Variants in RBBP5 observed in about 807,000 individuals in gnomAD.
RBBP5 encodes retinoblastoma-binding protein 5.
RBBP5 carries 5 observed loss-of-function variants against 72.2 expected under a neutral mutation model. That is an observed-to-expected ratio of 0.07 (90% CI 0.04 to 0.15). RBBP5 has a LOEUF of 0.15. RBBP5 is among the 10% of genes least tolerant of loss of function. The pLI, the probability that RBBP5 is intolerant of heterozygous loss-of-function variation, is 1.00. For missense variants in RBBP5, 322 were observed against 652.2 expected, an observed-to-expected ratio of 0.49 and a Z score of 5.51; for synonymous variants, 209 against 237.2, an observed-to-expected ratio of 0.88 and a Z score of 1.09.
chr1:205,114,645 G>A (rs1574717493), intron 3 of RBBP5, 144 bp downstream of exon 3: 1 of 782,836 alleles, frequency 1.3e-6, no homozygotes, highest in East Asian at 3.1e-5. Flanking sequence ...ATGGACTCAG[G>A]ATCTACATAA....
Position 205,094,981 on chromosome 1 carries a change from C to T in RBBP5, c.1480G>A (p.Glu494Lys). 6.2e-7 allele frequency: 1 copy of T among 1,614,102 alleles called. No homozygotes were observed. The highest frequency in any genetic ancestry group is 8.5e-7 in the Non-Finnish European group (1 of 1,180,014). The change falls in exon 13 of 14, where the codon GAG (glutamate) becomes AAG (lysine). Residue 494 changes from glutamate to lysine, a missense_variant. Physicochemically the swap from Glu to Lys is moderately conservative, Grantham distance 56. Coordinates refer to ENST00000264515, the MANE Select transcript of RBBP5 (RefSeq NM_005057.4). Reference protein sequence around the residue: ...AGRPKGSKGKEKDSPFKPKLY... With the variant: ...AGRPKGSKGKKKDSPFKPKLY... ...TTCGGTTTAAATGGAGAATCTTTCTCTTTACCTTTTGATCCTTTAGGCCGG... is the reference window on the plus strand; with the variant it reads ...TTCGGTTTAAATGGAGAATCTTTCTTTTTACCTTTTGATCCTTTAGGCCGG...
chr1:205,110,239 C>T (rs533560061), intron 3 of RBBP5, among the ~76,000 whole-genome samples: 6 of 151,968 alleles, frequency 3.9e-5, no homozygotes, highest in Non-Finnish European at 7.4e-5. Context: ...AGGCTGGTCT[C>T]GAACTCCTGA....
In RBBP5 at chr1:205,088,392, C is replaced by T. The variant is rs2151210614; in HGVS notation, c.*395G>A. ...TTTCAGATAAGAAGTCACTCAAAGACATGCATTGAGGACCGAAGGCAAATG... is the reference window on the plus strand; with the variant it reads ...TTTCAGATAAGAAGTCACTCAAAGATATGCATTGAGGACCGAAGGCAAATG... On this transcript the variant is annotated 3_prime_UTR_variant, in exon 14 of 14. Transcript: ENST00000264515. The T allele has an allele frequency of 1.7e-5, 3 of 179,354 alleles. No homozygotes were observed. The South Asian group carries it at 3.7e-4, about 22-fold the overall frequency. The allele number at this position is 179,354 out of a possible 1,614,324, so 11.1% of individuals were successfully genotyped here. A position where few individuals can be genotyped will look rare whatever the true frequency, so the allele number is the denominator to read the frequency against.
At position 205,105,144 on chromosome 1, in the gene RBBP5, G is replaced by A. The variant is rs1656003112; in HGVS notation, c.243C>T (p.Leu81=). Residue 81 remains leucine (L), a synonymous_variant, in exon 4 of 14, where the codon CTC becomes CTT. Coordinates refer to ENST00000264515, the MANE Select transcript of RBBP5 (RefSeq NM_005057.4). ...SLCWSRDGHK[L]VSASTDNIVS... is the part of the protein sequence containing the mutation. ...CTATGTTATCAGTGGAAGCACTCAC[G>A]AGTTTATGACCATCTCGGCTCCAGC... 2.5e-6 allele frequency: 4 copies of A among 1,613,022 alleles called. No homozygotes were observed. Among genetic ancestry groups the A allele is most frequent in the Non-Finnish European group, 3.4e-6 (4 of 1,179,692 alleles).
chr1:205,101,055 G>A (rs1224626578), intron 6 of RBBP5, among the ~76,000 whole-genome samples: 1 of 152,220 alleles, frequency 6.6e-6, no homozygotes, highest in African/African-American at 2.4e-5. Flanking sequence ...CTGTGTGGCA[G>A]GGTTCCTAAC....
In RBBP5 at chr1:205,105,175, A is replaced by G. The variant is rs79372739; in HGVS notation, c.219-7T>C. The stretch of plus-strand genomic sequence containing the variant: ...ATGACCATCTCGGCTCCAGCTGAGG[A>G]AAAAAAAGGGGTAATTTAGCACATA... On this transcript the variant is annotated splice_polypyrimidine_tract_variant and splice_region_variant and intron_variant, in intron 3 of 13. Coordinates refer to ENST00000264515, the MANE Select transcript of RBBP5 (RefSeq NM_005057.4). 16 of 1,603,026 alleles carry G rather than the reference A, an allele frequency of 1.0e-5. No homozygotes were observed. The highest frequency in any genetic ancestry group is 6.7e-5 in the African/African-American group (5 of 74,808).
intron 3 of RBBP5, among the ~76,000 whole-genome samples, chr1:205,107,473 G>T (rs1656118671): frequency 6.6e-6 from 1 of 152,142 alleles, no homozygotes; most frequent in African/African-American, 2.4e-5. Context: ...CATTTTTCAA[G>T]CACTGAAAGA....
intron 3 of RBBP5, among the ~76,000 whole-genome samples, chr1:205,112,946 G>C (rs944337843): frequency 6.6e-6 from 1 of 152,092 alleles, no homozygotes; most frequent in Non-Finnish European, 1.5e-5. Flanking sequence ...AACACAGCAA[G>C]ACCCTGTCTC....
intron 3 of RBBP5, among the ~76,000 whole-genome samples, chr1:205,114,499 A>C (rs1656446392): frequency 6.6e-6 from 1 of 152,208 alleles, no homozygotes; most frequent in African/African-American, 2.4e-5. Flanking sequence ...TTTTATTCTA[A>C]ATGAAAAGTC....
At chr1:205,101,014 G>A (rs931788961) in intron 6 of RBBP5, among the ~76,000 whole-genome samples, 4 of 152,314 alleles carry the variant, frequency 2.6e-5, no homozygotes, top group African/African-American at 9.6e-5. Flanking sequence ...CTGACAGGAG[G>A]CAGAGCTCAG....
intron 13 of RBBP5, chr1:205,091,526 G>A (rs1248564298): frequency 6.6e-6 from 1 of 152,158 alleles, no homozygotes; most frequent in Non-Finnish European, 1.5e-5. Context: ...ATTTTCTATA[G>A]CCCCAGATTC....
In RBBP5 at chr1:205,105,174, GA is replaced by G; in HGVS notation, c.219-7del. 7 of 1,595,914 alleles carry G rather than the reference GA, an allele frequency of 4.4e-6. No individual in the cohort carries two copies. Among genetic ancestry groups the G allele is most frequent in the East Asian group, 2.2e-5 (1 of 44,670 alleles). On this transcript the variant is annotated splice_polypyrimidine_tract_variant and splice_region_variant and intron_variant, in intron 3 of 13. Transcript: ENST00000264515. ...TATGACCATCTCGGCTCCAGCTGAG[GA>G]AAAAAAAGGGGTAATTTAGCACATA...
chr1:205,095,015 C>T lies in RBBP5; in HGVS notation c.1446G>A (p.Lys482=). The part of the protein sequence containing the change: ...GVKGDGKSKK[K]QAGRPKGSKG... The stretch of plus-strand genomic sequence containing the variant: ...TTGATCCTTTAGGCCGGCCTGCTTG[C>T]TTCTTCTTGGATTTGCCATCCCCCT... Residue 482 remains lysine, a synonymous_variant, in exon 13 of 14, where the codon AAG becomes AAA. Transcript: ENST00000264515. 2.5e-6 allele frequency: 4 copies of T among 1,614,048 alleles called. No homozygotes were observed. The highest frequency in any genetic ancestry group is 3.4e-6 in the Non-Finnish European group (4 of 1,180,018).
chr1:205,090,611 C>T (rs1198421515), intron 13 of RBBP5, among the ~76,000 whole-genome samples: 2 of 152,128 alleles, frequency 1.3e-5, no homozygotes, highest in African/African-American at 2.4e-5. Flanking sequence ...CAACTGCCCC[C>T]AAGGAAACAT....
intron 3 of RBBP5, among the ~76,000 whole-genome samples, chr1:205,106,110 T>A (rs1301237562): frequency 6.6e-6 from 1 of 151,816 alleles, no homozygotes; most frequent in African/African-American, 2.4e-5. Flanking sequence ...GAACAAGGAA[T>A]TCCTATCCTT....
At chr1:205,118,212 C>G (rs189437391) in intron 1 of RBBP5, among the ~76,000 whole-genome samples, 2 of 152,082 alleles carry the variant, frequency 1.3e-5, no homozygotes, top group Non-Finnish European at 2.9e-5. Flanking sequence ...GCTCTATTTA[C>G]GAGGGCAAAA....
Position 205,112,657 on chromosome 1 carries a change from G to A in RBBP5, c.218+2132C>T, listed in dbSNP as rs141269613. On this transcript the variant is annotated intron_variant, in intron 3 of 13. Transcript: ENST00000264515. Reference sequence around the variant, plus strand: ...AAAGACATTCACTAAACACTATGTAGTTGAGGAAAAAAAACAGAAAATGGT... The same window carrying A: ...AAAGACATTCACTAAACACTATGTAATTGAGGAAAAAAAACAGAAAATGGT... Among the ~76,000 whole-genome samples, 164 of 152,098 alleles carry A rather than the reference G, an allele frequency of 1.1e-3. 1 individual carries two copies. Among genetic ancestry groups the A allele is most frequent in the African/African-American group, 3.7e-3 (154 of 41,494 alleles).
At chr1:205,092,566 C>T (rs1391420668) in intron 13 of RBBP5, among the ~76,000 whole-genome samples, 1 of 152,174 alleles carries the variant, frequency 6.6e-6, no homozygotes, top group Non-Finnish European at 1.5e-5. Context: ...CCTGCCTCAG[C>T]TTCCTATGTT....
chr1:205,101,622 T>C lies in RBBP5; in HGVS notation c.610A>G (p.Ile204Val), dbSNP rs779584146. Residue 204 changes from isoleucine (I) to valine (V), a missense_variant, in exon 6 of 14, where the codon ATT becomes GTT. Around this residue, in one of 6 missense-constraint regions of RBBP5, gnomAD observed 161 missense variants for 327.8 expected, o/e 0.49. Coordinates refer to ENST00000264515, the MANE Select transcript of RBBP5 (RefSeq NM_005057.4). The stretch of plus-strand genomic sequence containing the variant: ...CACCTCCCCTTCCGGGCAAACTCAA[T>C]TGACTTAATGGCTGTGGTATTGCTT... ...GTSNTTAIKS[I>V]EFARKGSCFL... 3.7e-6 allele frequency: 6 copies of C among 1,612,154 alleles called. No homozygotes were observed. Among genetic ancestry groups the C allele is most frequent in the Non-Finnish European group, 5.1e-6 (6 of 1,179,166 alleles).
Sources: allele counts gnomAD v4.1 joint callset (sites outside exome capture counted in the v4.1 genomes callset), GRCh38; gene constraint gnomAD v4.1.1; regional missense constraint gnomAD v4.1.1; transcripts MANE v1.5; gene names NCBI Gene and HGNC (gene_info 2026-07-23, HGNC 2026-07-21).